The following OR2L13 variants were observed in gnomAD, a reference collection of about 807,000 sequenced individuals.
OR2L13 encodes the protein olfactory receptor family 2 subfamily L member 13, also known as olfactory receptor 2L13.
A neutral mutation model predicts 15.3 loss-of-function variants in OR2L13; 14 were observed. The ratio of observed to expected loss-of-function variants is 0.91; its 90% confidence interval spans 0.60 to 1.43. The LOEUF is 1.43. OR2L13 is among the 40% of genes most tolerant of loss of function. The pLI, the probability that OR2L13 is intolerant of heterozygous loss-of-function variation, is 0.00. For synonymous variants in OR2L13, 152 were observed against 142.9 expected, an observed-to-expected ratio of 1.06 and a Z score of -0.45; for missense variants, 367 against 387.9, an observed-to-expected ratio of 0.95 and a Z score of 0.45.
chr1:248,092,121 G>C (rs1664610455), upstream of OR2L13, among the ~76,000 whole-genome samples: 2 of 152,096 alleles, frequency 1.3e-5, no homozygotes, highest in South Asian at 4.2e-4. Context: ...TTTGTACATT[G>C]ATTTTGTATG....
chr1:247,994,147 A>T, the OR2L13 span, among the ~76,000 whole-genome samples: 3 of 152,180 alleles, frequency 2.0e-5, no homozygotes, highest in African/African-American at 7.2e-5. Flanking sequence ...CTGTAATCCC[A>T]GCACTTTGGG....
chr1:247,976,094 A>G, the OR2L13 span, among the ~76,000 whole-genome samples: 1 of 152,166 alleles, frequency 6.6e-6, no homozygotes, highest in Non-Finnish European at 1.5e-5. Flanking sequence ...TTCCTAAAGT[A>G]ATGATTTATT....
the OR2L13 span, among the ~76,000 whole-genome samples, chr1:248,015,588 C>G: frequency 6.6e-6 from 1 of 152,274 alleles, no homozygotes; most frequent in African/African-American, 2.4e-5. Context: ...AGATCACTTT[C>G]TGGAAGTTTC....
chr1:247,974,820 T>C, the OR2L13 span: 1 of 234,014 alleles, frequency 4.3e-6, no homozygotes, highest in African/African-American at 2.3e-5. Context: ...CTTTCTCCTC[T>C]TCATTCTCCT....
chr1:247,956,946 T>A, the OR2L13 span, among the ~76,000 whole-genome samples: 1 of 152,154 alleles, frequency 6.6e-6, no homozygotes, highest in Non-Finnish European at 1.5e-5. Context: ...TTCCTTCTCC[T>A]GCCTGATTGC....
At chr1:248,008,241 C>G in the OR2L13 span, among the ~76,000 whole-genome samples, 1 of 152,116 alleles carries the variant, frequency 6.6e-6, no homozygotes, top group Non-Finnish European at 1.5e-5. Flanking sequence ...CTTTACACCC[C>G]CATATACCTC....
At chr1:248,044,521 C>CAA in the OR2L13 span, among the ~76,000 whole-genome samples, 5 of 133,782 alleles carry the variant, frequency 3.7e-5, no homozygotes, top group African/African-American at 1.5e-4. Flanking sequence ...ACGCCTTCCC[C>CAA]GGCCGGGCGC....
the OR2L13 span, among the ~76,000 whole-genome samples, chr1:248,027,610 G>A: frequency 1.2e-4 from 19 of 152,108 alleles, no homozygotes; most frequent in South Asian, 2.7e-3. Context: ...TCAGACCAGC[G>A]GACACTTAGG....
At chr1:248,043,145 C>T in the OR2L13 span, among the ~76,000 whole-genome samples, 18 of 151,962 alleles carry the variant, frequency 1.2e-4, no homozygotes, top group Admixed American at 4.6e-4. Context: ...GATTTGCACC[C>T]GCCCTGCTGC....
the OR2L13 span, chr1:248,041,990 C>T: frequency 6.6e-6 from 1 of 152,168 alleles, no homozygotes; most frequent in Admixed American, 6.5e-5. Flanking sequence ...TTTGACCCAA[C>T]CATCCCATTA....
chr1:248,001,954 A>C, the OR2L13 span, among the ~76,000 whole-genome samples: 1 of 152,174 alleles, frequency 6.6e-6, no homozygotes, highest in Admixed American at 6.5e-5. Context: ...TTGAAATGTA[A>C]ATTGTGTTAA....
chr1:248,006,708 C>A, the OR2L13 span, among the ~76,000 whole-genome samples: 1 of 152,022 alleles, frequency 6.6e-6, no homozygotes, highest in Non-Finnish European at 1.5e-5. Flanking sequence ...GAGGGTAGCA[C>A]CCTCTTGAGT....
At chr1:247,974,404 C>T in the OR2L13 span, among the ~76,000 whole-genome samples, 2 of 151,486 alleles carry the variant, frequency 1.3e-5, no homozygotes, top group Non-Finnish European at 2.9e-5. Context: ...ACATTCAGCA[C>T]GTGTATCCCA....
the OR2L13 span, among the ~76,000 whole-genome samples, chr1:247,954,550 A>G: frequency 6.6e-6 from 1 of 152,140 alleles, no homozygotes; most frequent in Non-Finnish European, 1.5e-5. Context: ...AGTTAAATTT[A>G]AACTGACATT....
At chr1:248,033,779 T>C in the OR2L13 span, among the ~76,000 whole-genome samples, 21 of 152,086 alleles carry the variant, frequency 1.4e-4, no homozygotes, top group Admixed American at 5.9e-4. Flanking sequence ...TCTGGCTTTA[T>C]ACCAATGTCA....
At chr1:248,059,249 T>TA in the OR2L13 span, among the ~76,000 whole-genome samples, 1 of 152,194 alleles carries the variant, frequency 6.6e-6, no homozygotes, top group Non-Finnish European at 1.5e-5. Flanking sequence ...TATTTAAGCC[T>TA]AAAAAACTCC....
At chr1:247,938,755 G>A in the OR2L13 span, among the ~76,000 whole-genome samples, 2 of 152,300 alleles carry the variant, frequency 1.3e-5, no homozygotes, top group Non-Finnish European at 2.9e-5. Context: ...ATACTTGGAT[G>A]AAATTGGAAG....
At chr1:248,012,567 G>A in the OR2L13 span, among the ~76,000 whole-genome samples, 1 of 152,140 alleles carries the variant, frequency 6.6e-6, no homozygotes, top group Non-Finnish European at 1.5e-5. Context: ...CCAGTGCCTA[G>A]TGTGCACTAG....
the OR2L13 span, among the ~76,000 whole-genome samples, chr1:248,066,777 G>A: frequency 1.3e-5 from 2 of 152,134 alleles, no homozygotes; most frequent in African/African-American, 4.8e-5. Flanking sequence ...ACCACAAGTA[G>A]TGTGTTATTT....
Sources: allele counts gnomAD v4.1 joint callset (sites outside exome capture counted in the v4.1 genomes callset), GRCh38; gene constraint gnomAD v4.1.1; transcripts MANE v1.5; gene names NCBI Gene and HGNC (gene_info 2026-07-23, HGNC 2026-07-21).